Variants in NPAS3 observed in about 807,000 individuals in gnomAD.
NPAS3 encodes neuronal PAS domain-containing protein 3.
In NPAS3, 14 loss-of-function variants were observed where a neutral mutation model predicts 73.1. The ratio of observed to expected loss-of-function variants is 0.19; its 90% CI spans 0.13 to 0.30. The LOEUF is 0.30. Among genes scored for constraint, NPAS3 ranks in the 10% least tolerant of loss-of-function variants. The pLI is 1.00. For synonymous variants in NPAS3, 620 were observed against 541.5 expected (o/e 1.14, Z -2.01); for missense variants, 1,096 against 1,250.0 (o/e 0.88, Z 1.86).
At chr14:33,376,728 G>A (rs977568916) in intron 4 of NPAS3, among the ~76,000 whole-genome samples, 1 of 152,140 alleles carries the variant, frequency 6.6e-6, no homozygotes, top group African/African-American at 2.4e-5. Context: ...ATCCCCAGTT[G>A]TTCATTTATT....
intron 3 of NPAS3, among the ~76,000 whole-genome samples, chr14:33,343,339 C>A (rs1325983687): frequency 6.6e-6 from 1 of 152,126 alleles, no homozygotes; most frequent in Admixed American, 6.5e-5. Context: ...ACTGTTTTAT[C>A]TTGATCTGAT....
At chr14:33,657,304 C>T (rs779873697) in intron 5 of NPAS3, among the ~76,000 whole-genome samples, 1 of 152,134 alleles carries the variant, frequency 6.6e-6, no homozygotes. Context: ...AGGCCACATA[C>T]AGAAAAGCCT....
chr14:33,308,809 T>A (rs1205055115), intron 3 of NPAS3, among the ~76,000 whole-genome samples: 2 of 152,042 alleles, frequency 1.3e-5, no homozygotes, highest in South Asian at 2.1e-4. Flanking sequence ...TTTAAAAAAA[T>A]TTTAAATAAA....
intron 4 of NPAS3, among the ~76,000 whole-genome samples, chr14:33,393,466 C>T (rs149569326): frequency 6.8e-4 from 104 of 152,262 alleles, no homozygotes; most frequent in African/African-American, 2.3e-3. Context: ...TTCTTAGGTC[C>T]GGAGCCTCCT....
chr14:33,795,496 T>G (rs2063486149), intron 10 of NPAS3, among the ~76,000 whole-genome samples: 1 of 152,172 alleles, frequency 6.6e-6, no homozygotes, highest in Non-Finnish European at 1.5e-5. Flanking sequence ...TGGAATAAGG[T>G]CTTGTGGCAC....
At chr14:33,787,332 T>A (rs1024554969) in intron 9 of NPAS3, among the ~76,000 whole-genome samples, 5 of 152,200 alleles carry the variant, frequency 3.3e-5, no homozygotes, top group African/African-American at 1.2e-4. Context: ...TCTAAATCAA[T>A]GAAAAGTTTT....
At chr14:33,053,402 A>C (rs1304819586) in intron 1 of NPAS3, among the ~76,000 whole-genome samples, 2 of 152,198 alleles carry the variant, frequency 1.3e-5, no homozygotes, top group East Asian at 1.9e-4. Flanking sequence ...ATGTAAATGC[A>C]CTTAAGTCCT....
intron 2 of NPAS3, among the ~76,000 whole-genome samples, chr14:33,155,433 C>G (rs2044611697): frequency 6.6e-6 from 1 of 152,058 alleles, no homozygotes; most frequent in Admixed American, 6.6e-5. Context: ...TCTCTGTTCC[C>G]AGGCTGGAGT....
chr14:33,026,496 A>C (rs1468659979), intron 1 of NPAS3, among the ~76,000 whole-genome samples: 1 of 150,526 alleles, frequency 6.6e-6, no homozygotes, highest in African/African-American at 2.4e-5. Context: ...ATGTTAACGG[A>C]GTCTACACAG....
At chr14:32,969,856 A>C (rs1279216) in intron 1 of NPAS3, among the ~76,000 whole-genome samples, 17,510 of 152,216 alleles carry the variant, frequency 0.12, 1,117 homozygotes, top group Non-Finnish European at 0.13. Flanking sequence ...ACTAAAAATA[A>C]TTTTTAGTAC....
chr14:33,576,698 A>G (rs917200623), intron 5 of NPAS3, among the ~76,000 whole-genome samples: 1 of 152,012 alleles, frequency 6.6e-6, no homozygotes, highest in African/African-American at 2.4e-5. Context: ...TTTTAACATG[A>G]TGATCAGAAA....
At chr14:33,187,187 A>T (rs540049190) in intron 2 of NPAS3, among the ~76,000 whole-genome samples, 7 of 152,296 alleles carry the variant, frequency 4.6e-5, no homozygotes, top group African/African-American at 1.4e-4. Context: ...ATGGTCTGTA[A>T]GGCCTTATAG....
At position 33,636,726 on chromosome 14, in the gene NPAS3, C is replaced by T. The variant is rs974466729; in HGVS notation, c.559-39485C>T. Among the ~76,000 whole-genome samples the T allele has an allele frequency of 5.3e-5, 8 of 152,304 alleles. No individual in the cohort carries two copies. In the East Asian group the frequency reaches 5.8e-4, roughly 11 times the overall value. On this transcript the variant is annotated intron_variant, in intron 5 of 11. Coordinates refer to ENST00000356141, the Ensembl canonical transcript of NPAS3. Reference sequence around the variant, plus strand: ...TCAGACTGCCCTTCTCAGAGTCACACGGCTGTGAAATTCCAGAAACCCACT... The same window carrying T: ...TCAGACTGCCCTTCTCAGAGTCACATGGCTGTGAAATTCCAGAAACCCACT...
At chr14:33,258,796 C>T (rs150411939) in intron 3 of NPAS3, among the ~76,000 whole-genome samples, 2,489 of 152,148 alleles carry the variant, frequency 0.016, 29 homozygotes, top group Middle Eastern at 0.048. Context: ...TCATTTTTAT[C>T]ATAAATAGCT....
At chr14:33,233,927 A>G (rs1594464989) in intron 3 of NPAS3, among the ~76,000 whole-genome samples, 1 of 152,296 alleles carries the variant, frequency 6.6e-6, no homozygotes, top group East Asian at 1.9e-4. Flanking sequence ...AGACTGTCTA[A>G]TGAAGACTTT....
chr14:33,112,853 A>G (rs2042941508), intron 2 of NPAS3, among the ~76,000 whole-genome samples: 1 of 152,178 alleles, frequency 6.6e-6, no homozygotes, highest in Non-Finnish European at 1.5e-5. Context: ...ATAAGGTGTA[A>G]GGAAGGAATC....
intron 3 of NPAS3, among the ~76,000 whole-genome samples, chr14:33,314,070 T>C (rs2043111556): frequency 6.6e-6 from 1 of 152,092 alleles, no homozygotes; most frequent in African/African-American, 2.4e-5. Flanking sequence ...ATATTATGTA[T>C]GGTGATGGTG....
rs1161974338 is a variant in NPAS3, at chr14:33,800,845, C to T, written c.2538C>T (p.Pro846=). 9 of 1,604,378 alleles carry T rather than the reference C, an allele frequency of 5.6e-6. No homozygotes were observed. The highest frequency in any genetic ancestry group is 1.7e-5 in the Admixed American group (1 of 59,042). Reference sequence around the variant, plus strand: ...TGGCCATGCAGAGCAACCTGCTGCCCAACGCGCACGCTGTTAACTTCGTGG... The same window carrying T: ...TGGCCATGCAGAGCAACCTGCTGCCTAACGCGCACGCTGTTAACTTCGTGG... Residue 846 remains proline (P), a synonymous_variant, in exon 12 of 12, where the codon CCC becomes CCT. Coordinates refer to ENST00000356141, the Ensembl canonical transcript of NPAS3. This position sits in a 1 kb window ranked among gnomAD's most constrained non-coding sequence, Gnocchi z 6.5.
At chr14:32,990,027 G>C (rs940962915) in intron 1 of NPAS3, among the ~76,000 whole-genome samples, 1 of 152,070 alleles carries the variant, frequency 6.6e-6, no homozygotes, top group African/African-American at 2.4e-5. Flanking sequence ...ATAAAGGAGG[G>C]AGTCACGATA....
Sources: gnomAD v4.1 joint callset for allele counts (sites outside exome capture counted in the v4.1 genomes callset) on GRCh38, gnomAD v4.1.1 for gene constraint, Gnocchi (gnomAD v3.1) non-coding constraint, MANE v1.5 for transcripts, NCBI Gene and HGNC (gene_info 2026-07-23, HGNC 2026-07-21) for gene names.